Variants in GLRB observed in about 807,000 individuals in gnomAD.
The protein encoded by GLRB is glycine receptor beta.
A neutral mutation model predicts 54.2 loss-of-function variants in GLRB; 33 were observed. That is an observed-to-expected ratio of 0.61 (90% confidence interval 0.46 to 0.81). GLRB has a LOEUF of 0.81. Ranked by LOEUF, GLRB falls within the 40% of genes least tolerant of loss-of-function variation. The pLI is 0.00. For missense variants in GLRB, 572 were observed against 584.6 expected (o/e 0.98, Z 0.22); for synonymous variants, 209 against 208.2 (o/e 1.00, Z -0.03).
At chr4:157,133,604 AAT>A (rs1486130331) in intron 4 of GLRB, among the ~76,000 whole-genome samples, 51 of 152,042 alleles carry the variant, frequency 3.4e-4, no homozygotes, top group Admixed American at 3.4e-3. Context: ...CATGAAAATT[AAT>A]ATGTCATTAA....
At chr4:157,132,310 T>C (rs546114958) in intron 4 of GLRB, among the ~76,000 whole-genome samples, 1 of 151,978 alleles carries the variant, frequency 6.6e-6, no homozygotes, top group East Asian at 1.9e-4. Flanking sequence ...GCCTTGATTT[T>C]AACTCCTACC....
At chr4:157,167,959 T>C (rs888355390) in intron 9 of GLRB, among the ~76,000 whole-genome samples, 1 of 152,050 alleles carries the variant, frequency 6.6e-6, no homozygotes, top group Admixed American at 6.6e-5. Context: ...GAGGGACAAC[T>C]CATTCATTAC....
intron 9 of GLRB, among the ~76,000 whole-genome samples, chr4:157,161,301 C>A (rs546478074): frequency 8.5e-5 from 13 of 152,266 alleles, no homozygotes; most frequent in African/African-American, 2.6e-4. Context: ...CAGTCTGTGT[C>A]TTTTAATTGG....
intron 8 of GLRB, among the ~76,000 whole-genome samples, chr4:157,151,317 A>G (rs548334508): frequency 4.8e-4 from 73 of 152,228 alleles, no homozygotes; most frequent in Admixed American, 1.3e-3. Flanking sequence ...CATGGCTATA[A>G]TCAACTGTAG....
chr4:157,159,950 A>C (rs555378018), intron 9 of GLRB, among the ~76,000 whole-genome samples: 1 of 152,126 alleles, frequency 6.6e-6, no homozygotes, highest in East Asian at 1.9e-4. Context: ...TTGGCTGTGA[A>C]TCCATCTGGT....
intron 9 of GLRB, among the ~76,000 whole-genome samples, chr4:157,166,511 A>G (rs1182646452): frequency 2.0e-5 from 3 of 152,080 alleles, no homozygotes; most frequent in Non-Finnish European, 2.9e-5. Context: ...CCAACTACTT[A>G]ATGAACCATG....
intron 2 of GLRB, among the ~76,000 whole-genome samples, chr4:157,078,847 A>T (rs937345019): frequency 6.6e-6 from 1 of 151,924 alleles, no homozygotes; most frequent in South Asian, 2.1e-4. Context: ...TTATCTACTC[A>T]CTGCAACCTC....
At chr4:157,161,744 C>T (rs1049831410) in intron 9 of GLRB, among the ~76,000 whole-genome samples, 1 of 152,164 alleles carries the variant, frequency 6.6e-6, no homozygotes, top group Non-Finnish European at 1.5e-5. Context: ...TCTGACCTTT[C>T]TCTCTGGCTG....
chr4:157,119,295 G>A (rs908765930), intron 2 of GLRB, among the ~76,000 whole-genome samples: 11 of 151,610 alleles, frequency 7.3e-5, no homozygotes, highest in African/African-American at 2.7e-4. Context: ...TTTACTGAGT[G>A]AGGAAAATGT....
chr4:157,119,443 G>T (rs1181930700), intron 2 of GLRB, among the ~76,000 whole-genome samples: 1 of 151,296 alleles, frequency 6.6e-6, no homozygotes, highest in Non-Finnish European at 1.5e-5. Context: ...GTTCTTTGTT[G>T]TTTTTTTCTC....
At chr4:157,083,103 TTTATG>T (rs1422620530) in intron 2 of GLRB, among the ~76,000 whole-genome samples, 1 of 151,796 alleles carries the variant, frequency 6.6e-6, no homozygotes, top group African/African-American at 2.4e-5. Flanking sequence ...TTTTGCTAAT[TTTATG>T]TTAAGCGTAT....
chr4:157,126,036 G>A (rs1736005251), intron 4 of GLRB, among the ~76,000 whole-genome samples: 1 of 151,826 alleles, frequency 6.6e-6, no homozygotes, highest in South Asian at 2.1e-4. Flanking sequence ...CCTGGGAGTA[G>A]ATATAACATG....
At chr4:157,137,808 A>G (rs1363118801) in intron 6 of GLRB, among the ~76,000 whole-genome samples, 1 of 152,184 alleles carries the variant, frequency 6.6e-6, no homozygotes, top group Non-Finnish European at 1.5e-5. Flanking sequence ...TACTTGTAGA[A>G]AACTTCCAAC....
At chr4:157,158,213 T>G (rs1202042887) in intron 9 of GLRB, among the ~76,000 whole-genome samples, 1 of 152,240 alleles carries the variant, frequency 6.6e-6, no homozygotes, top group Non-Finnish European at 1.5e-5. Flanking sequence ...TTAAGTTCTT[T>G]GTAGATCCCG....
chr4:157,114,744 A>G (rs961753089), intron 2 of GLRB, among the ~76,000 whole-genome samples: 1 of 151,750 alleles, frequency 6.6e-6, no homozygotes, highest in Non-Finnish European at 1.5e-5. Flanking sequence ...GATGGGATTT[A>G]TCGGATGTGT....
chr4:157,123,361 G>T (rs1361448346), intron 4 of GLRB, among the ~76,000 whole-genome samples: 2 of 151,696 alleles, frequency 1.3e-5, no homozygotes, highest in African/African-American at 4.8e-5. Context: ...ATTATTCCTA[G>T]TAGCAGCAGC....
chr4:157,159,567 CT>C (rs1484305657), intron 9 of GLRB, among the ~76,000 whole-genome samples: 1 of 152,020 alleles, frequency 6.6e-6, no homozygotes, highest in Non-Finnish European at 1.5e-5. Context: ...TGTGGAAGGC[CT>C]TTTCTGCATC....
chr4:157,123,029 T>C lies in GLRB; in HGVS notation c.297+632T>C, dbSNP rs535864532. Among the ~76,000 whole-genome samples the C allele has an allele frequency of 7.9e-5, 12 of 151,842 alleles. No individual in the cohort carries two copies. In the South Asian group the frequency reaches 2.1e-3, roughly 26 times the overall value. On this transcript the variant is annotated intron_variant, in intron 4 of 9. Transcript: ENST00000264428. The stretch of plus-strand genomic sequence containing the variant: ...AGGTTTGGCTGTTGTCCATGATAAG[T>C]TGGACTTTAGGGACAAAGTTTTCAG...
intron 7 of GLRB, 29 bp from the exon 8 acceptor site, chr4:157,143,778 C>A: frequency 6.2e-7 from 1 of 1,604,382 alleles, no homozygotes; most frequent in South Asian, 1.1e-5. Flanking sequence ...GTGAAAACCT[C>A]ATGCCTTGAA....
Sources: gnomAD v4.1 joint callset for allele counts (sites outside exome capture counted in the v4.1 genomes callset) on GRCh38, gnomAD v4.1.1 for gene constraint, MANE v1.5 for transcripts, NCBI Gene and HGNC (gene_info 2026-07-23, HGNC 2026-07-21) for gene names.